Variants in HIBCH observed in about 807,000 individuals in gnomAD.
The protein encoded by HIBCH is 3-hydroxyisobutyryl-CoA hydrolase, mitochondrial.
In HIBCH, 50 loss-of-function variants were observed where a neutral mutation model predicts 58.2. The observed-to-expected ratio is 0.86, with a 90% confidence interval of 0.68 to 1.09. The LOEUF (loss-of-function observed/expected upper bound fraction) is 1.09. Ranked by LOEUF, HIBCH falls within the 50% of genes least tolerant of loss-of-function variation. The pLI is 0.00. For synonymous variants in HIBCH, 151 were observed against 146.9 expected, an observed-to-expected ratio of 1.03 and a Z score of -0.20; for missense variants, 450 against 449.7, an observed-to-expected ratio of 1.00 and a Z score of -0.01.
Position 190,246,212 on chromosome 2 carries a change from A to T in HIBCH, c.751T>A (p.Ser251Thr). 6.4e-7 allele frequency: 1 copy of T among 1,571,760 alleles called. No homozygotes were observed. Among genetic ancestry groups the T allele is most frequent in the Non-Finnish European group, 8.7e-7 (1 of 1,147,182 alleles). Reference protein sequence around the residue: ...ASVLENYHTESKIDRDKSFIL... With the variant: ...ASVLENYHTETKIDRDKSFIL... ...AAAGACTTGTCTCGATCAATCTTAG[A>T]CTGTTTGAAAAGAAAAATCTTTTAA... The change falls in exon 10 of 14, where the codon TCT (serine) becomes ACT (threonine). Residue 251 changes from serine to threonine, a missense_variant and splice_region_variant. Physicochemically the swap from Ser to Thr is moderately conservative, Grantham distance 58 (BLOSUM62 1). Coordinates refer to ENST00000359678, the MANE Select transcript of HIBCH (RefSeq NM_014362.4).
At chr2:190,192,577 C>T (rs930791745) in intron 1 of HIBCH, among the ~76,000 whole-genome samples, 1 of 151,618 alleles carries the variant, frequency 6.6e-6, no homozygotes, top group African/African-American at 2.4e-5. Context: ...TACAGAAAAG[C>T]CTGCTGGAAT....
At chr2:190,193,532 G>T (rs1375922392) in intron 1 of HIBCH, among the ~76,000 whole-genome samples, 1 of 152,110 alleles carries the variant, frequency 6.6e-6, no homozygotes, top group East Asian at 1.9e-4. Context: ...AGCCATTAGG[G>T]CCTGGAGGTT....
intron 8 of HIBCH, 85 bp from the exon 9 acceptor site, chr2:190,249,811 G>T: frequency 1.1e-6 from 1 of 894,448 alleles, no homozygotes; most frequent in African/African-American, 1.7e-5. Flanking sequence ...TTCTTTTTTA[G>T]AATTCTTGAC....
At chr2:190,268,230 C>A (rs1324949112) in intron 6 of HIBCH, among the ~76,000 whole-genome samples, 1 of 152,164 alleles carries the variant, frequency 6.6e-6, no homozygotes. Flanking sequence ...AAAAGTTATA[C>A]CACTTTCCTT....
intron 1 of HIBCH, among the ~76,000 whole-genome samples, chr2:190,317,268 T>C (rs1375443336): frequency 1.3e-5 from 2 of 152,206 alleles, no homozygotes; most frequent in South Asian, 2.1e-4. Flanking sequence ...CTCATAACTG[T>C]ACTTGTCCCT....
At position 190,262,719 on chromosome 2, in the gene HIBCH, G is replaced by A. The variant is rs7557082; in HGVS notation, c.439-1485C>T. Among the ~76,000 whole-genome samples, 877 of 152,296 alleles carry A rather than the reference G, an allele frequency of 5.8e-3. 5 individuals are homozygous for A. The highest frequency in any genetic ancestry group is 0.02 in the African/African-American group (832 of 41,564). ...TAAAAACCCCATATTACTTCACATA[G>A]AAGCTACAGATCCATGCGGGGTAAC... is the stretch of plus-strand genomic sequence containing the variant. On this transcript the variant is annotated intron_variant, in intron 6 of 13. Coordinates refer to ENST00000359678, the MANE Select transcript of HIBCH (RefSeq NM_014362.4).
At chr2:190,252,912 G>A (rs187516723) in intron 7 of HIBCH, among the ~76,000 whole-genome samples, 44 of 152,192 alleles carry the variant, frequency 2.9e-4, no homozygotes, top group African/African-American at 1.0e-3. Flanking sequence ...TATAAGGCTA[G>A]GCGCGGTGGC....
intron 9 of HIBCH, 47 bp downstream of exon 9, chr2:190,249,593 C>G (rs1321461237): frequency 9.3e-7 from 1 of 1,076,070 alleles, no homozygotes; most frequent in African/African-American, 1.6e-5. Context: ...TAATCACTTC[C>G]CCTCCCCATG....
In HIBCH at chr2:190,204,853, C is replaced by G. The variant is rs1690350625; in HGVS notation, c.*264G>C. 1 of 405,110 alleles carries G rather than the reference C, an allele frequency of 2.5e-6. No individual in the cohort carries two copies. Among genetic ancestry groups the G allele is most frequent in the Non-Finnish European group, 4.5e-6 (1 of 220,664 alleles). The allele number at this position is 405,110 out of a possible 1,614,324, so 25.1% of individuals were successfully genotyped here. On this transcript the variant is annotated 3_prime_UTR_variant, in exon 14 of 14. Coordinates refer to ENST00000359678, the MANE Select transcript of HIBCH (RefSeq NM_014362.4). ...TTAGGCTTTGTAGGCTTTACCATCT[C>G]TATTGCAACTACTCATTTCAAAGCA...
downstream of HIBCH, chr2:190,200,119 A>G: frequency 6.2e-7 from 1 of 1,614,028 alleles, no homozygotes. Context: ...GTACCATGAC[A>G]TTCCATACAT....
intron 1 of HIBCH, among the ~76,000 whole-genome samples, chr2:190,196,078 T>G (rs925396424): frequency 1.3e-5 from 2 of 151,588 alleles, no homozygotes; most frequent in African/African-American, 4.8e-5. Flanking sequence ...TTAGTCCATT[T>G]TCTTTCAGGT....
chr2:190,236,929 T>C lies in HIBCH; in HGVS notation c.891+7958A>G, dbSNP rs1686291824. On this transcript the variant is annotated intron_variant, in intron 11 of 13. Coordinates refer to ENST00000359678, the MANE Select transcript of HIBCH (RefSeq NM_014362.4). This position sits in a 1 kb window ranked among gnomAD's most constrained non-coding sequence, Gnocchi z 4.1. ...CTTCTGTCTACATAAACTGATGCATTTTCCCCTTTATCATACTCTTTCCCC... is the reference window on the plus strand; with the variant it reads ...CTTCTGTCTACATAAACTGATGCATCTTCCCCTTTATCATACTCTTTCCCC... Among the ~76,000 whole-genome samples, 1 of 152,174 alleles carries C rather than the reference T, an allele frequency of 6.6e-6. No homozygotes were observed. Among genetic ancestry groups the C allele is most frequent in the African/African-American group, 2.4e-5 (1 of 41,442 alleles).
At chr2:190,269,297 A>C (rs1317652530) in intron 6 of HIBCH, among the ~76,000 whole-genome samples, 7 of 152,202 alleles carry the variant, frequency 4.6e-5, no homozygotes, top group Admixed American at 3.9e-4. Flanking sequence ...TGAACAGGCA[A>C]CCTATGGAAT....
chr2:190,287,387 T>C (rs998658577), intron 6 of HIBCH, among the ~76,000 whole-genome samples, 199 bp downstream of exon 6: 2 of 152,164 alleles, frequency 1.3e-5, no homozygotes, highest in Admixed American at 6.5e-5. Flanking sequence ...GAACATAAAA[T>C]ATTCTTTTGG....
chr2:190,201,483 T>C (rs1044789858), downstream of HIBCH: 6 of 167,018 alleles, frequency 3.6e-5, no homozygotes, highest in East Asian at 3.8e-4. Context: ...CAATACACCA[T>C]TGGTATTGAA....
intron 9 of HIBCH, among the ~76,000 whole-genome samples, chr2:190,248,089 CTTAAG>C (rs146418330): frequency 0.026 from 3,928 of 152,232 alleles, 175 homozygotes; most frequent in African/African-American, 0.088. Context: ...ATATTTTCCT[CTTAAG>C]TTAACAGTTA....
At chr2:190,317,966 G>A (rs187703009) in intron 1 of HIBCH, among the ~76,000 whole-genome samples, 62 of 151,942 alleles carry the variant, frequency 4.1e-4, no homozygotes, top group African/African-American at 1.5e-3. Flanking sequence ...TGGGATTACA[G>A]GGCCCTGCCA....
At chr2:190,292,196 G>A (rs560434151) in intron 4 of HIBCH, among the ~76,000 whole-genome samples, 28 of 152,204 alleles carry the variant, frequency 1.8e-4, no homozygotes, top group African/African-American at 5.5e-4. Flanking sequence ...TGGCCAGGCC[G>A]GTCTCGAACT....
rs1687753343 is a variant in HIBCH at position 190,283,364 on chromosome 2, G to C, written c.438+4222C>G. Among the ~76,000 whole-genome samples the C allele has an allele frequency of 6.6e-5, 10 of 152,196 alleles. No individual in the cohort carries two copies. In the South Asian group the frequency reaches 2.1e-3, roughly 32 times the overall value. Reference sequence around the variant, plus strand: ...TAGCCAATCAGAATTAGTTTAGCCTGTGCGGTCTAACCCTAGCCAATAGGG... The same window carrying C: ...TAGCCAATCAGAATTAGTTTAGCCTCTGCGGTCTAACCCTAGCCAATAGGG... On this transcript the variant is annotated intron_variant, in intron 6 of 13. Transcript: ENST00000359678.
Sources: allele counts gnomAD v4.1 joint callset (sites outside exome capture counted in the v4.1 genomes callset), GRCh38; gene constraint gnomAD v4.1.1; non-coding constraint Gnocchi (gnomAD v3.1); transcripts MANE v1.5; gene names NCBI Gene and HGNC (gene_info 2026-07-23, HGNC 2026-07-21).